Variants in TTC39B observed in about 807,000 individuals in gnomAD.
The protein encoded by TTC39B is tetratricopeptide repeat domain 39B.
TTC39B carries 92 observed loss-of-function variants against 96.6 expected under a neutral mutation model. That is an observed-to-expected ratio of 0.95 (90% confidence interval 0.80 to 1.13). The LOEUF (loss-of-function observed/expected upper bound fraction) is 1.13. Among genes scored for constraint, TTC39B ranks in the 50% most tolerant of loss-of-function variants. The probability of loss-of-function intolerance (pLI) is 0.00; values close to 1 mark genes in which losing one functional copy is unlikely to be tolerated. For synonymous variants in TTC39B, 367 were observed against 299.4 expected (o/e 1.23, Z -2.33); for missense variants, 955 against 809.3 (o/e 1.18, Z -2.18).
At chr9:15,226,738 C>A (rs1281534732) in intron 2 of TTC39B, among the ~76,000 whole-genome samples, 1 of 152,164 alleles carries the variant, frequency 6.6e-6, no homozygotes, top group African/African-American at 2.4e-5. Context: ...CTTGCAGAAT[C>A]TTCGGCCAGT....
chr9:15,278,817 C>T (rs1823645392), intron 1 of TTC39B, among the ~76,000 whole-genome samples: 1 of 151,872 alleles, frequency 6.6e-6, no homozygotes, highest in South Asian at 2.1e-4. Flanking sequence ...GTGAGCATTT[C>T]ACCTCTACAA....
chr9:15,165,117 T>G lies in TTC39B; in HGVS notation c.*6902A>C, dbSNP rs1817494321. The G allele has an allele frequency of 2.6e-5, 4 of 152,102 alleles. No homozygotes were observed. In the South Asian group the frequency reaches 8.3e-4, roughly 32 times the overall value. The allele number at this position is 152,102 out of a possible 1,614,324, so 9.4% of individuals were successfully genotyped here. A position where few individuals can be genotyped will look rare whatever the true frequency, so the allele number is the denominator to read the frequency against. ...ATCCCAGCACTTTGGGAGGCTGAAG[T>G]GGGCGGATCACCTGAGGTCAGGAGT... On this transcript the variant is annotated 3_prime_UTR_variant, in exon 20 of 20. Transcript: ENST00000512701.
In TTC39B at chr9:15,185,268, A is replaced by G. The variant is rs1588857165; in HGVS notation, c.1614+12T>C. 1 of 1,599,452 alleles carries G rather than the reference A, an allele frequency of 6.3e-7. No homozygotes were observed. Among genetic ancestry groups the G allele is most frequent in the Non-Finnish European group, 8.5e-7 (1 of 1,175,138 alleles). On this transcript the variant is annotated intron_variant, in intron 16 of 19. Transcript: ENST00000512701. ...TATTTCTAGTACATGAAAAGAAAAT[A>G]AAAGCAGATACCAGGGCAGGTAAGA...
intron 15 of TTC39B, among the ~76,000 whole-genome samples, chr9:15,185,783 T>C (rs4612472): frequency 0.66 from 100,431 of 151,690 alleles, 33,789 homozygotes; most frequent in East Asian, 0.92. Context: ...GTCCAAAGTA[T>C]TTACTTACGT....
chr9:15,283,536 T>C (rs1823845691), intron 1 of TTC39B, among the ~76,000 whole-genome samples: 1 of 134,832 alleles, frequency 7.4e-6, no homozygotes, highest in African/African-American at 2.6e-5. Context: ...GGAGAACTTT[T>C]TACATACAGA....
At chr9:15,168,458 A>G (rs568435863) in exon 20 of TTC39B, 9 of 151,128 alleles carry the variant, frequency 6.0e-5, no homozygotes, top group African/African-American at 1.9e-4. Context: ...TGAATGAAGC[A>G]TTAGATAATT....
intron 1 of TTC39B, among the ~76,000 whole-genome samples, chr9:15,275,581 T>C (rs775065466): frequency 6.6e-6 from 1 of 152,064 alleles, no homozygotes; most frequent in Non-Finnish European, 1.5e-5. Flanking sequence ...TTTAAGGAAG[T>C]CTTCTGGGAG....
intron 2 of TTC39B, among the ~76,000 whole-genome samples, chr9:15,262,792 A>G (rs1172317088): frequency 1.3e-5 from 2 of 152,224 alleles, no homozygotes; most frequent in Non-Finnish European, 2.9e-5. Flanking sequence ...GAAATTAATC[A>G]TCAGGTTGGC....
intron 17 of TTC39B, among the ~76,000 whole-genome samples, chr9:15,179,289 C>T (rs1040270721): frequency 5.9e-5 from 9 of 152,178 alleles, no homozygotes; most frequent in African/African-American, 1.9e-4. Flanking sequence ...GTAAAGGGAA[C>T]ATACGAGGCC....
At chr9:15,279,609 C>T (rs1339564596) in intron 1 of TTC39B, among the ~76,000 whole-genome samples, 1 of 152,198 alleles carries the variant, frequency 6.6e-6, no homozygotes, top group African/African-American at 2.4e-5. Flanking sequence ...TAGAACAATG[C>T]ATCCAGTAGA....
Position 15,306,888 on chromosome 9 carries a change from C to A in TTC39B, c.240+196G>T, listed in dbSNP as rs79950985. ...ACCTCGGCACTGCGTCCGCTCCGCG[C>A]GCCGCAGGGACCCTCCTAGCTCCAG... is the stretch of plus-strand genomic sequence containing the variant. On this transcript the variant is annotated intron_variant, in intron 1 of 19. Transcript: ENST00000512701. The surrounding 1 kb of genome is among the most constrained non-coding windows in gnomAD (Gnocchi z 5.1). Among the ~76,000 whole-genome samples, 1,247 of 152,202 alleles carry A rather than the reference C, an allele frequency of 8.2e-3. 16 individuals carry two copies. Among genetic ancestry groups the A allele is most frequent in the African/African-American group, 0.029 (1,207 of 41,542 alleles).
chr9:15,303,885 T>C (rs1021844274), intron 1 of TTC39B, among the ~76,000 whole-genome samples: 9 of 152,170 alleles, frequency 5.9e-5, no homozygotes, highest in Non-Finnish European at 1.0e-4. Context: ...TCCACCCGCC[T>C]CAGCCTCCCA....
At chr9:15,220,882 C>T (rs1387159428) in intron 3 of TTC39B, among the ~76,000 whole-genome samples, 1 of 152,148 alleles carries the variant, frequency 6.6e-6, no homozygotes, top group African/African-American at 2.4e-5. Context: ...AGCCACATCA[C>T]CCTGAACACA....
At chr9:15,189,468 G>A in intron 13 of TTC39B, 106 bp downstream of exon 13, 1 of 1,168,044 alleles carries the variant, frequency 8.6e-7, no homozygotes, top group Non-Finnish European at 1.2e-6. Flanking sequence ...TTTTTGTCTA[G>A]TCCATATAGC....
chr9:15,259,626 A>C (rs1358337762), intron 2 of TTC39B, among the ~76,000 whole-genome samples: 1 of 152,248 alleles, frequency 6.6e-6, no homozygotes, highest in Admixed American at 6.5e-5. Flanking sequence ...TCAGCCATAA[A>C]AAGGAATGAA....
rs1564299814 is a variant in TTC39B, at chr9:15,167,009, TATATATATATA to T, written c.*4999_*5009del. The stretch of plus-strand genomic sequence containing the variant: ...ATATATATATATATATATATATATA[TATATATATATA>T]TATATATATTTTTTTTTTTTTTTTT... On this transcript the variant is annotated 3_prime_UTR_variant, in exon 20 of 20. Coordinates refer to ENST00000512701, the Ensembl canonical transcript of TTC39B. The T allele has an allele frequency of 3.2e-3, 24 of 7,610 alleles. 1 individual carries two copies. Among genetic ancestry groups the T allele is most frequent in the Non-Finnish European group, 4.4e-3 (18 of 4,080 alleles). The allele number at this position is 7,610 out of a possible 1,614,324, so 0.5% of individuals were successfully genotyped here. A position where few individuals can be genotyped will look rare whatever the true frequency, so the allele number is the denominator to read the frequency against.
intron 2 of TTC39B, among the ~76,000 whole-genome samples, chr9:15,255,779 CTTTA>C (rs888772257): frequency 2.6e-5 from 4 of 152,118 alleles, no homozygotes; most frequent in African/African-American, 9.7e-5. Flanking sequence ...AACATTTGGA[CTTTA>C]TTTAATTATA....
chr9:15,172,742 T>A, intron 19 of TTC39B, among the ~76,000 whole-genome samples: 1 of 152,164 alleles, frequency 6.6e-6, no homozygotes, highest in South Asian at 2.1e-4. Context: ...ATCAGAAAAA[T>A]GGAATACTTT....
intron 18 of TTC39B, among the ~76,000 whole-genome samples, chr9:15,176,630 A>AT (rs1384941420): frequency 6.6e-6 from 1 of 152,178 alleles, no homozygotes; most frequent in Non-Finnish European, 1.5e-5. Flanking sequence ...AAATCAGGTG[A>AT]TTTTACATAA....
Sources: gnomAD v4.1 joint callset for allele counts (sites outside exome capture counted in the v4.1 genomes callset) on GRCh38, gnomAD v4.1.1 for gene constraint, Gnocchi (gnomAD v3.1) non-coding constraint, MANE v1.5 for transcripts, NCBI Gene and HGNC (gene_info 2026-07-23, HGNC 2026-07-21) for gene names.